The following BBX variants were observed in gnomAD, a reference collection of about 807,000 sequenced individuals.
BBX encodes BBX high mobility group box domain containing.
Under a neutral mutation model 100.2 loss-of-function variants are expected in BBX, and 30 were observed. The observed-to-expected ratio is 0.30, with a 90% confidence interval of 0.22 to 0.41. The LOEUF (loss-of-function observed/expected upper bound fraction) is 0.41. BBX is among the 10% of genes least tolerant of loss of function. The pLI is 1.00. For missense variants in BBX, 1,023 were observed against 1,129.8 expected, an observed-to-expected ratio of 0.91 and a Z score of 1.35; for synonymous variants, 376 against 388.1, an observed-to-expected ratio of 0.97 and a Z score of 0.37.
chr3:107,526,735 T>G (rs2047805488), intron 2 of BBX: 1 of 165,866 alleles, frequency 6.0e-6, no homozygotes, highest in African/African-American at 2.4e-5. Flanking sequence ...ATAGGAAGAG[T>G]GCAGTGTATG....
At chr3:107,606,873 A>G (rs1409166079) in intron 2 of BBX, among the ~76,000 whole-genome samples, 2 of 152,136 alleles carry the variant, frequency 1.3e-5, no homozygotes, top group South Asian at 2.1e-4. Context: ...TGTGCTATCA[A>G]CTACTAGATC....
In BBX at chr3:107,773,697, C is replaced by T. The variant is rs2067089679; in HGVS notation, c.1915+61C>T. ...AACCAAACAGAATTTCACCTTTAGA[C>T]CTATTGAAAACAACTGCCATAAAAA... On this transcript the variant is annotated intron_variant, in intron 11 of 17. Coordinates refer to ENST00000325805, the MANE Select transcript of BBX (RefSeq NM_001142568.3). This position sits in a 1 kb window ranked among gnomAD's most constrained non-coding sequence, Gnocchi z 4.1. The T allele has an allele frequency of 2.5e-5, 36 of 1,461,332 alleles. No homozygotes were observed. Among genetic ancestry groups the T allele is most frequent in the Non-Finnish European group, 3.3e-5 (36 of 1,090,068 alleles). The allele number at this position is 1,461,332 out of a possible 1,614,324, so 90.5% of individuals were successfully genotyped here.
At chr3:107,536,397 C>T (rs1231104779) in intron 2 of BBX, among the ~76,000 whole-genome samples, 1 of 152,068 alleles carries the variant, frequency 6.6e-6, no homozygotes, top group Non-Finnish European at 1.5e-5. Context: ...TACCCTGATC[C>T]ATGAAACATG....
intron 2 of BBX, among the ~76,000 whole-genome samples, chr3:107,596,981 C>G (rs1051204722): frequency 1.3e-5 from 2 of 152,126 alleles, no homozygotes; most frequent in Non-Finnish European, 2.9e-5. Flanking sequence ...GGCCTTTAAA[C>G]TTTTTTACTC....
intron 2 of BBX, among the ~76,000 whole-genome samples, chr3:107,622,886 A>G (rs1483965439): frequency 1.3e-5 from 2 of 152,096 alleles, no homozygotes; most frequent in East Asian, 1.9e-4. Flanking sequence ...TGTGGTTCCT[A>G]TGTCAGTTCA....
intron 3 of BBX, among the ~76,000 whole-genome samples, chr3:107,647,667 G>T (rs1431758870): frequency 6.6e-6 from 1 of 152,194 alleles, no homozygotes; most frequent in Non-Finnish European, 1.5e-5. Context: ...GCAAAAGGAT[G>T]CCAGGGTTCA....
chr3:107,781,776 C>T (rs1438678958), intron 13 of BBX, among the ~76,000 whole-genome samples: 1 of 152,058 alleles, frequency 6.6e-6, no homozygotes, highest in Non-Finnish European at 1.5e-5. Flanking sequence ...TTACATAGTT[C>T]CTTGGCCTAT....
At chr3:107,534,368 A>G (rs2048352761) in intron 2 of BBX, among the ~76,000 whole-genome samples, 1 of 152,188 alleles carries the variant, frequency 6.6e-6, no homozygotes, top group African/African-American at 2.4e-5. Flanking sequence ...AAAATGAGAA[A>G]ATAATTCTTT....
intron 2 of BBX, among the ~76,000 whole-genome samples, chr3:107,558,019 A>C (rs2050205026): frequency 6.6e-6 from 1 of 152,250 alleles, no homozygotes. Flanking sequence ...GGGGCTTGGC[A>C]GCAGTCTGTG....
At chr3:107,626,812 G>A (rs896661636) in intron 2 of BBX, among the ~76,000 whole-genome samples, 7 of 151,830 alleles carry the variant, frequency 4.6e-5, no homozygotes, top group South Asian at 2.1e-4. Context: ...CCACCACCAC[G>A]GCTGACTAAT....
At chr3:107,653,755 T>C (rs1243984620) in intron 3 of BBX, among the ~76,000 whole-genome samples, 1 of 152,170 alleles carries the variant, frequency 6.6e-6, no homozygotes, top group African/African-American at 2.4e-5. Flanking sequence ...CATAGGCACT[T>C]AGAATGCCCT....
intron 2 of BBX, among the ~76,000 whole-genome samples, chr3:107,534,785 G>T (rs555873043): frequency 1.3e-5 from 2 of 152,190 alleles, no homozygotes; most frequent in Non-Finnish European, 2.9e-5. Flanking sequence ...TGAAATTAAG[G>T]CACCTGTTGT....
chr3:107,615,728 A>G (rs1052134632), intron 2 of BBX, among the ~76,000 whole-genome samples: 29 of 152,210 alleles, frequency 1.9e-4, no homozygotes, highest in African/African-American at 5.1e-4. Flanking sequence ...CTATGTTTCA[A>G]TGATCGAGCT....
intron 4 of BBX, 170 bp from the exon 5 acceptor site, chr3:107,716,437 T>C (rs1374983348): frequency 1.3e-6 from 1 of 760,070 alleles, no homozygotes; most frequent in Non-Finnish European, 2.1e-6. Flanking sequence ...CATAAGTTAG[T>C]TACCAACCAT....
chr3:107,685,242 A>C (rs1417876028), intron 3 of BBX, among the ~76,000 whole-genome samples: 1 of 152,166 alleles, frequency 6.6e-6, no homozygotes, highest in Non-Finnish European at 1.5e-5. Context: ...ATGAGAGTAG[A>C]CACTGATTTG....
At chr3:107,663,680 T>A (rs1202557967) in intron 3 of BBX, among the ~76,000 whole-genome samples, 1 of 152,172 alleles carries the variant, frequency 6.6e-6, no homozygotes, top group Admixed American at 6.5e-5. Context: ...CGTATTTGAC[T>A]CATTCCTGCT....
chr3:107,744,599 A>G, intron 7 of BBX, 31 bp from the exon 8 acceptor site: 2 of 1,550,470 alleles, frequency 1.3e-6, no homozygotes, highest in South Asian at 1.1e-5. Flanking sequence ...AAATAGTACA[A>G]AAGAAAATAT....
At chr3:107,641,337 G>A (rs539763017) in intron 2 of BBX, among the ~76,000 whole-genome samples, 2 of 152,116 alleles carry the variant, frequency 1.3e-5, no homozygotes, top group African/African-American at 4.8e-5. Context: ...CACCTGCCTG[G>A]GCCTTCCAAA....
intron 2 of BBX, among the ~76,000 whole-genome samples, chr3:107,585,007 T>C (rs2052725219): frequency 6.6e-6 from 1 of 152,030 alleles, no homozygotes; most frequent in Non-Finnish European, 1.5e-5. Flanking sequence ...TACTGGCCTT[T>C]GAGAGACAAA....
Sources: gnomAD v4.1 joint callset for allele counts (sites outside exome capture counted in the v4.1 genomes callset) on GRCh38, gnomAD v4.1.1 for gene constraint, Gnocchi (gnomAD v3.1) non-coding constraint, MANE v1.5 for transcripts, NCBI Gene and HGNC (gene_info 2026-07-23, HGNC 2026-07-21) for gene names.